Variants in SPTLC2 observed in about 807,000 individuals in gnomAD.
The protein encoded by SPTLC2 is serine palmitoyltransferase 2.
In SPTLC2, 21 loss-of-function variants were observed where a neutral mutation model predicts 62.0. That is an observed-to-expected ratio of 0.34 (90% CI 0.24 to 0.49). SPTLC2 has a LOEUF of 0.49. SPTLC2 is among the 20% of genes least tolerant of loss of function. The pLI, the probability that SPTLC2 is intolerant of heterozygous loss-of-function variation, is 0.99. For synonymous variants in SPTLC2, 261 were observed against 261.8 expected (o/e 1.00, Z 0.03); for missense variants, 511 against 713.0 (o/e 0.72, Z 3.23).
At chr14:77,602,603 G>A (rs981068445) in intron 1 of SPTLC2, among the ~76,000 whole-genome samples, 3 of 150,732 alleles carry the variant, frequency 2.0e-5, no homozygotes, top group African/African-American at 7.3e-5. Flanking sequence ...AGGATGGAGT[G>A]CAGTGGTGTG....
intron 5 of SPTLC2, among the ~76,000 whole-genome samples, chr14:77,569,848 A>ATATTTTTATTATATTAATTAATAT (rs2079669656): frequency 7.0e-6 from 1 of 142,102 alleles, no homozygotes; most frequent in Admixed American, 7.3e-5. Context: ...ACAATATTAT[A>ATATTTTTATTATATTAATTAATAT]TATATGTATA....
At chr14:77,526,735 C>T (rs765469539) in intron 9 of SPTLC2, among the ~76,000 whole-genome samples, 3 of 151,906 alleles carry the variant, frequency 2.0e-5, no homozygotes, top group Non-Finnish European at 2.9e-5. Context: ...ATCTTATTCT[C>T]AGGAAGGAAG....
chr14:77,556,747 A>T (rs2079586341), intron 7 of SPTLC2, among the ~76,000 whole-genome samples: 1 of 152,130 alleles, frequency 6.6e-6, no homozygotes, highest in Non-Finnish European at 1.5e-5. Flanking sequence ...GACATATTAA[A>T]ATATATATTC....
intron 1 of SPTLC2, among the ~76,000 whole-genome samples, chr14:77,609,857 G>T (rs2079925723): frequency 6.6e-6 from 1 of 152,272 alleles, no homozygotes; most frequent in Admixed American, 6.5e-5. Flanking sequence ...GCCAGCCTGG[G>T]TAACAGTAAC....
intron 9 of SPTLC2, 47 bp downstream of exon 9, chr14:77,552,049 G>A (rs1459822214): frequency 1.2e-6 from 2 of 1,610,462 alleles, no homozygotes; most frequent in Non-Finnish European, 8.5e-7. Flanking sequence ...CAGCACGTTT[G>A]GCTGCTAGGT....
At chr14:77,554,775 G>C (rs10147878) in intron 8 of SPTLC2, 1 of 168,826 alleles carries the variant, frequency 5.9e-6, no homozygotes, top group African/African-American at 2.4e-5. Context: ...AAAATTCACC[G>C]TATGATTTTT....
intron 1 of SPTLC2, among the ~76,000 whole-genome samples, chr14:77,609,727 CAA>C (rs76692421): frequency 7.0e-6 from 1 of 142,818 alleles, no homozygotes; most frequent in Non-Finnish European, 1.5e-5. Flanking sequence ...GACTCTGTCT[CAA>C]AAAAAAAAAA....
At chr14:77,543,325 G>C (rs147857206) in intron 9 of SPTLC2, among the ~76,000 whole-genome samples, 80 of 152,180 alleles carry the variant, frequency 5.3e-4, no homozygotes, top group African/African-American at 1.9e-3. Flanking sequence ...AGTCTTAATG[G>C]ACCATTCTAC....
chr14:77,608,297 G>A (rs1050191867), intron 1 of SPTLC2, among the ~76,000 whole-genome samples: 8 of 152,088 alleles, frequency 5.3e-5, no homozygotes, highest in Non-Finnish European at 1.0e-4. Context: ...CAGCTTATGT[G>A]TCACCACAAT....
chr14:77,571,970 G>C (rs2079685917), intron 4 of SPTLC2, among the ~76,000 whole-genome samples: 1 of 1,546 alleles, frequency 6.5e-4, no homozygotes, highest in South Asian at 0.056. Context: ...TGTATTTTTA[G>C]TAGAGACAGG....
At chr14:77,608,225 G>A (rs188811008) in intron 1 of SPTLC2, among the ~76,000 whole-genome samples, 3 of 152,212 alleles carry the variant, frequency 2.0e-5, no homozygotes, top group African/African-American at 7.2e-5. Context: ...TCAGTAAACC[G>A]CTATTGTTTT....
intron 9 of SPTLC2, among the ~76,000 whole-genome samples, chr14:77,528,035 G>A (rs940509585): frequency 2.0e-5 from 3 of 152,194 alleles, no homozygotes; most frequent in African/African-American, 7.2e-5. Flanking sequence ...TGTTCAGCCA[G>A]AGTTGATCTC....
intron 1 of SPTLC2, among the ~76,000 whole-genome samples, chr14:77,613,310 G>A (rs2079947760): frequency 6.6e-6 from 1 of 152,140 alleles, no homozygotes. Context: ...AACTCCCAAA[G>A]GTTCTTTCCA....
chr14:77,580,710 G>A lies in SPTLC2; in HGVS notation c.328-1601C>T, dbSNP rs901343536. Among the ~76,000 whole-genome samples, 7 of 152,124 alleles carry A rather than the reference G, an allele frequency of 4.6e-5. No homozygotes were observed. The East Asian group carries it at 9.7e-4, about 21-fold the overall frequency. ...TGCACTCCAGTCTGTGCAACAGAGC[G>A]AGAACCTGTCTCAAAAAGAAAAGAA... is the stretch of plus-strand genomic sequence containing the variant. On this transcript the variant is annotated intron_variant, in intron 2 of 11. Coordinates refer to ENST00000216484, the MANE Select transcript of SPTLC2 (RefSeq NM_004863.4).
rs370710540 is a variant in SPTLC2, at chr14:77,606,869, G to C, written c.133-9489C>G. ...CCGGATGTGGTGGTGCATGAATGTA[G>C]TCCCAGCTACTGGGGAGGCTGAGAT... On this transcript the variant is annotated intron_variant, in intron 1 of 11. Transcript: ENST00000216484. Among the ~76,000 whole-genome samples, 4 of 151,840 alleles carry C rather than the reference G, an allele frequency of 2.6e-5. No homozygotes were observed. The East Asian group carries it at 7.8e-4, about 29-fold the overall frequency.
At chr14:77,611,089 C>T (rs1595021771) in intron 1 of SPTLC2, among the ~76,000 whole-genome samples, 3 of 138,420 alleles carry the variant, frequency 2.2e-5, no homozygotes, top group Admixed American at 7.6e-5. Context: ...GTCAGGAGAG[C>T]GAGACCATCC....
At chr14:77,557,541 G>A (rs1040585569) in intron 6 of SPTLC2, among the ~76,000 whole-genome samples, 5 of 152,298 alleles carry the variant, frequency 3.3e-5, no homozygotes, top group Admixed American at 2.0e-4. Flanking sequence ...AAGACAGAGC[G>A]AGAGAGTGTG....
At chr14:77,602,076 C>T (rs2079880916) in intron 1 of SPTLC2, among the ~76,000 whole-genome samples, 1 of 151,330 alleles carries the variant, frequency 6.6e-6, no homozygotes, top group African/African-American at 2.4e-5. Flanking sequence ...TGCTCCCCAA[C>T]CCCCTTCTCC....
intron 11 of SPTLC2, among the ~76,000 whole-genome samples, chr14:77,516,136 A>T (rs948565581): frequency 1.3e-5 from 2 of 152,234 alleles, no homozygotes; most frequent in African/African-American, 4.8e-5. Context: ...GTTCCATAAA[A>T]CATCATAAGA....
Sources: gnomAD v4.1 joint callset for allele counts (sites outside exome capture counted in the v4.1 genomes callset) on GRCh38, gnomAD v4.1.1 for gene constraint, MANE v1.5 for transcripts, NCBI Gene and HGNC (gene_info 2026-07-23, HGNC 2026-07-21) for gene names.